RANBP2: variants seen among roughly 807,000 people sequenced by gnomAD.
RANBP2 encodes E3 SUMO-protein ligase RanBP2.
Under a neutral mutation model 303.6 loss-of-function variants are expected in RANBP2, and 57 were observed. The observed-to-expected ratio is 0.19, with a 90% CI of 0.15 to 0.23. The LOEUF (loss-of-function observed/expected upper bound fraction) is 0.23. Among genes scored for constraint, RANBP2 ranks in the 10% least tolerant of loss-of-function variants. The pLI is 1.00. For synonymous variants in RANBP2, 1,167 were observed against 1,301.5 expected, an observed-to-expected ratio of 0.90 and a Z score of 2.23; for missense variants, 3,138 against 3,780.8, an observed-to-expected ratio of 0.83 and a Z score of 4.46.
chr2:109,613,241 A>G, the RANBP2 span: 3 of 1,230,906 alleles, frequency 2.4e-6, no homozygotes, highest in South Asian at 2.5e-5. Flanking sequence ...GGAAAGGTTC[A>G]AAACAGTGAA....
At chr2:109,115,087 T>TAG in the RANBP2 span, among the ~76,000 whole-genome samples, 3 of 152,156 alleles carry the variant, frequency 2.0e-5, no homozygotes, top group Non-Finnish European at 4.4e-5. Flanking sequence ...TGTGGTGTGG[T>TAG]GCTGGAAAAA....
At chr2:109,576,944 A>C in the RANBP2 span, among the ~76,000 whole-genome samples, 13 of 152,208 alleles carry the variant, frequency 8.5e-5, no homozygotes, top group Admixed American at 2.0e-4. Flanking sequence ...GAGATTTTTT[A>C]AAAAGAACTG....
the RANBP2 span, among the ~76,000 whole-genome samples, chr2:109,606,671 GCTTTTTT>G: frequency 1.1e-5 from 1 of 95,228 alleles, no homozygotes; most frequent in Non-Finnish European, 2.0e-5. Flanking sequence ...AAAATTTTAA[GCTTTTTT>G]TTTTTTTTTT....
chr2:109,094,651 G>A, the RANBP2 span, among the ~76,000 whole-genome samples: 1 of 152,126 alleles, frequency 6.6e-6, no homozygotes, highest in South Asian at 2.1e-4. Flanking sequence ...CCAACATGAC[G>A]AAACCCTGTC....
At chr2:109,159,047 G>A in the RANBP2 span, among the ~76,000 whole-genome samples, 1 of 152,230 alleles carries the variant, frequency 6.6e-6, no homozygotes, top group Admixed American at 6.5e-5. Flanking sequence ...AACCCAGGAG[G>A]CAGAGGGTGC....
the RANBP2 span, among the ~76,000 whole-genome samples, chr2:108,904,229 A>G: frequency 6.6e-6 from 1 of 152,312 alleles, no homozygotes; most frequent in African/African-American, 2.4e-5. Context: ...TATTTAAACA[A>G]TAGGAACATG....
chr2:109,456,916 G>A, the RANBP2 span, among the ~76,000 whole-genome samples: 1 of 152,236 alleles, frequency 6.6e-6, no homozygotes, highest in African/African-American at 2.4e-5. Context: ...AAGTGGCAGG[G>A]ACGAGGGAAG....
chr2:108,746,206 C>G (rs1696502897), intron 7 of RANBP2, among the ~76,000 whole-genome samples: 1 of 134,692 alleles, frequency 7.4e-6, no homozygotes, highest in Non-Finnish European at 1.5e-5. Flanking sequence ...CCATGTCTGG[C>G]CCTTTTTTTT....
the RANBP2 span, chr2:108,897,020 G>C: frequency 2.5e-6 from 4 of 1,614,042 alleles, no homozygotes; most frequent in Non-Finnish European, 3.4e-6. Flanking sequence ...AGTTTTGTGA[G>C]TAGCTCAGGG....
At chr2:109,702,162 G>A in the RANBP2 span, among the ~76,000 whole-genome samples, 1 of 152,244 alleles carries the variant, frequency 6.6e-6, no homozygotes, top group South Asian at 2.1e-4. Context: ...GTGACTTGGT[G>A]TGTTAGCTTC....
At chr2:109,411,166 C>T in the RANBP2 span, among the ~76,000 whole-genome samples, 3 of 152,208 alleles carry the variant, frequency 2.0e-5, no homozygotes, top group Admixed American at 6.5e-5. Context: ...CAGCAACTCT[C>T]AACCTCGTTA....
chr2:108,975,112 C>T, the RANBP2 span, among the ~76,000 whole-genome samples: 1 of 152,182 alleles, frequency 6.6e-6, no homozygotes. Context: ...GCGAGTGCAG[C>T]AGGGACCCTG....
At chr2:109,569,782 C>T in the RANBP2 span, among the ~76,000 whole-genome samples, 3 of 152,180 alleles carry the variant, frequency 2.0e-5, no homozygotes, top group African/African-American at 7.2e-5. Flanking sequence ...TCAATGTTTA[C>T]ATGACTATTA....
the RANBP2 span, among the ~76,000 whole-genome samples, chr2:109,119,430 C>T: frequency 6.6e-6 from 1 of 152,084 alleles, no homozygotes; most frequent in African/African-American, 2.4e-5. Flanking sequence ...GACAATCTCC[C>T]CTTGGATGAT....
the RANBP2 span, among the ~76,000 whole-genome samples, chr2:109,123,340 TTCCTTCCTTCCTTC>T: frequency 7.1e-6 from 1 of 140,986 alleles, no homozygotes; most frequent in African/African-American, 3.1e-5. Context: ...CCTTCCTTCC[TTCCTTCCTTCCTTC>T]CTTCCTTCCT....
the RANBP2 span, among the ~76,000 whole-genome samples, chr2:109,074,898 G>A: frequency 1.1e-4 from 17 of 148,322 alleles, no homozygotes; most frequent in Non-Finnish European, 2.4e-4. Context: ...GTGGGCACCT[G>A]TAGCCCCAGC....
the RANBP2 span, among the ~76,000 whole-genome samples, chr2:109,375,877 G>A: frequency 2.0e-5 from 3 of 152,348 alleles, no homozygotes; most frequent in Admixed American, 2.0e-4. Context: ...GCAGTTCAGG[G>A]CGATGCGGGC....
chr2:108,947,756 C>T, the RANBP2 span, among the ~76,000 whole-genome samples: 1 of 152,144 alleles, frequency 6.6e-6, no homozygotes, highest in East Asian at 1.9e-4. Flanking sequence ...ACCATTTTTC[C>T]CTCCCAGGCC....
At chr2:109,451,194 G>A in the RANBP2 span, among the ~76,000 whole-genome samples, 320 of 152,364 alleles carry the variant, frequency 2.1e-3, 4 homozygotes, top group Middle Eastern at 6.8e-3. Flanking sequence ...GCCTAACAGG[G>A]CGCCTGGCAT....
Sources: allele counts gnomAD v4.1 joint callset (sites outside exome capture counted in the v4.1 genomes callset), GRCh38; gene constraint gnomAD v4.1.1; transcripts MANE v1.5; gene names NCBI Gene and HGNC (gene_info 2026-07-23, HGNC 2026-07-21).